LSM14A: variants seen among roughly 807,000 people sequenced by gnomAD.
LSM14A encodes the protein protein LSM14 homolog A.
A neutral mutation model predicts 52.4 loss-of-function variants in LSM14A; 14 were observed. That is an observed-to-expected ratio of 0.27 (90% CI 0.18 to 0.42). The LOEUF (loss-of-function observed/expected upper bound fraction) is 0.42, where lower values mean the gene tolerates loss of function less well. Among genes scored for constraint, LSM14A ranks in the 10% least tolerant of loss-of-function variants. The pLI is 1.00. For synonymous variants in LSM14A, 185 were observed against 200.3 expected, an observed-to-expected ratio of 0.92 and a Z score of 0.64; for missense variants, 417 against 581.8, an observed-to-expected ratio of 0.72 and a Z score of 2.91.
At chr19:34,183,444 G>A (rs1568473726) in intron 1 of LSM14A, among the ~76,000 whole-genome samples, 1 of 152,092 alleles carries the variant, frequency 6.6e-6, no homozygotes, top group Admixed American at 6.6e-5. Flanking sequence ...CCAGCTACTT[G>A]GGAAGCTGGG....
At chr19:34,198,946 C>T (rs1193225995) in intron 3 of LSM14A, among the ~76,000 whole-genome samples, 1 of 151,818 alleles carries the variant, frequency 6.6e-6, no homozygotes, top group Non-Finnish European at 1.5e-5. Flanking sequence ...AAGATCGTAC[C>T]ACTGCACTCC....
At chr19:34,224,954 TCTC>T (rs2073262984) in intron 9 of LSM14A, among the ~76,000 whole-genome samples, 1 of 152,196 alleles carries the variant, frequency 6.6e-6, no homozygotes, top group African/African-American at 2.4e-5. Context: ...TGCTCTGTCT[TCTC>T]TTCCTTCCTA....
In LSM14A at chr19:34,200,929, G is replaced by A. The variant is rs535444906; in HGVS notation, c.415+4166G>A. On this transcript the variant is annotated intron_variant, in intron 3 of 9. Transcript: ENST00000544216. ...TTGAGATCATCATTATACTTCTTAT[G>A]TTACCATGAAGTTTATGTAACTAAT... 5.3e-5 allele frequency among the ~76,000 whole-genome samples: 8 copies of A among 152,098 alleles called. No homozygotes were observed. The South Asian group carries it at 1.7e-3, about 32-fold the overall frequency.
chr19:34,217,855 C>G (rs2072766945), intron 6 of LSM14A, among the ~76,000 whole-genome samples: 1 of 151,560 alleles, frequency 6.6e-6, no homozygotes, highest in Admixed American at 6.6e-5. Context: ...GCTCCCCTCC[C>G]AAAATAAAAT....
intron 1 of LSM14A, among the ~76,000 whole-genome samples, chr19:34,177,803 G>T (rs527333048): frequency 3.8e-4 from 58 of 152,288 alleles, no homozygotes; most frequent in African/African-American, 1.3e-3. Context: ...GGCTGAGGCA[G>T]GGGGATTGCT....
At position 34,215,212 on chromosome 19, in the gene LSM14A, A is replaced by T; in HGVS notation, c.627A>T (p.Pro209=). 3.7e-6 allele frequency: 6 copies of T among 1,614,206 alleles called. No individual in the cohort carries two copies. Among genetic ancestry groups the T allele is most frequent in the Non-Finnish European group, 4.2e-6 (5 of 1,180,026 alleles). ...VQTASAHLPA[P]AAVGRRSPVS... ...CCGCCTCAGCCCACTTACCTGCTCCAGCAGCTGTTGGGAGAAGGAGTCCTG... is the reference window on the plus strand; with the variant it reads ...CCGCCTCAGCCCACTTACCTGCTCCTGCAGCTGTTGGGAGAAGGAGTCCTG... The change falls in exon 5 of 10, where the codon CCA becomes CCT. Residue 209 remains proline, a synonymous_variant. Transcript: ENST00000544216.
At chr19:34,211,078 G>A (rs981107726) in intron 4 of LSM14A, among the ~76,000 whole-genome samples, 10 of 151,784 alleles carry the variant, frequency 6.6e-5, no homozygotes, top group South Asian at 2.1e-4. Context: ...CAAGGCAGGC[G>A]GATCGCCTGA....
chr19:34,204,786 C>G (rs2071558931), intron 3 of LSM14A, among the ~76,000 whole-genome samples: 3 of 152,016 alleles, frequency 2.0e-5, no homozygotes. Context: ...GTGGGTGTAG[C>G]TAAAACAGTG....
At position 34,215,148 on chromosome 19, in the gene LSM14A, C is replaced by T; in HGVS notation, c.563C>T (p.Pro188Leu). Residue 188 changes from proline to leucine, a missense_variant, in exon 5 of 10, where the codon CCT becomes CTT. Transcript: ENST00000544216. ...SQGRSSPQLDPLRKSPTMEQA... is the reference protein window; with the variant it reads ...SQGRSSPQLDLLRKSPTMEQA... ...GGTCGCTCAAGCCCTCAGTTAGACC[C>T]TTTGAGAAAAAGCCCAACCATGGAA... 6.2e-7 allele frequency: 1 copy of T among 1,613,276 alleles called. No homozygotes were observed. The highest frequency in any genetic ancestry group is 8.5e-7 in the Non-Finnish European group (1 of 1,179,788).
At chr19:34,213,674 G>A (rs1201172691) in intron 4 of LSM14A, among the ~76,000 whole-genome samples, 1 of 152,224 alleles carries the variant, frequency 6.6e-6, no homozygotes, top group Non-Finnish European at 1.5e-5. Flanking sequence ...CAGAAAGCAT[G>A]ATGGGAGCAC....
At chr19:34,198,542 T>G (rs1291347981) in intron 3 of LSM14A, among the ~76,000 whole-genome samples, 1 of 151,932 alleles carries the variant, frequency 6.6e-6, no homozygotes, top group Non-Finnish European at 1.5e-5. Context: ...CTTGAACCTG[T>G]GAGGCAGAGG....
At chr19:34,200,634 T>C (rs1052636141) in intron 3 of LSM14A, among the ~76,000 whole-genome samples, 2 of 152,218 alleles carry the variant, frequency 1.3e-5, no homozygotes, top group Non-Finnish European at 2.9e-5. Context: ...TGATATTCTG[T>C]GTACTCCTTC....
chr19:34,221,458 G>A (rs1268009203), intron 8 of LSM14A, 49 bp from the exon 9 acceptor site: 32 of 1,568,260 alleles, frequency 2.0e-5, no homozygotes, highest in Non-Finnish European at 2.3e-5. Flanking sequence ...TTGGCTGAGG[G>A]ATATTCTTTT....
At chr19:34,192,740 C>T (rs546896039) in intron 1 of LSM14A, among the ~76,000 whole-genome samples, 43 of 150,282 alleles carry the variant, frequency 2.9e-4, no homozygotes, top group Admixed American at 9.3e-4. Flanking sequence ...TTTGGGAAGC[C>T]GAAGCGGATG....
At chr19:34,220,321 A>T (rs555322573) in intron 8 of LSM14A, among the ~76,000 whole-genome samples, 1 of 152,334 alleles carries the variant, frequency 6.6e-6, no homozygotes, top group Non-Finnish European at 1.5e-5. Context: ...TAAATTATTC[A>T]TTCAAAAGAA....
Position 34,227,206 on chromosome 19 carries a change from TAGA to T in LSM14A, c.1369-156_1369-154del, listed in dbSNP as rs529052053. On this transcript the variant is annotated intron_variant, in intron 9 of 9. Coordinates refer to ENST00000544216, the MANE Select transcript of LSM14A (RefSeq NM_015578.4). ...GAGGTACTACTGAGTATGGAAGTTA[TAGA>T]AGGAGTTTCGTGGAAATGAGTGAGA... 9.2e-5 allele frequency among the ~76,000 whole-genome samples: 14 copies of T among 152,340 alleles called. No homozygotes were observed. The South Asian group carries it at 2.7e-3, about 29-fold the overall frequency.
At chr19:34,175,827 C>A (rs2069046221) in intron 1 of LSM14A, among the ~76,000 whole-genome samples, 1 of 151,742 alleles carries the variant, frequency 6.6e-6, no homozygotes, top group Non-Finnish European at 1.5e-5. Flanking sequence ...AAGATTAAAG[C>A]CAAAAGTGTT....
At chr19:34,178,160 CAAAA>C (rs1210486981) in intron 1 of LSM14A, among the ~76,000 whole-genome samples, 1 of 106,906 alleles carries the variant, frequency 9.4e-6, no homozygotes, top group Non-Finnish European at 2.0e-5. Flanking sequence ...GACTCTGTCT[CAAAA>C]AAAAAAAAAA....
At position 34,228,547 on chromosome 19, in the gene LSM14A, G is replaced by A. The variant is rs140534397; in HGVS notation, c.*1159G>A. ...ATTATTTTGGTAGCCTGTAACACAC[G>A]GCAACACTGGTCCTTGGGCCTATGA... On this transcript the variant is annotated 3_prime_UTR_variant, in exon 10 of 10. Transcript: ENST00000544216. 14 of 146,286 alleles carry A rather than the reference G, an allele frequency of 9.6e-5. No individual in the cohort carries two copies. Among genetic ancestry groups the A allele is most frequent in the Non-Finnish European group, 1.8e-4 (12 of 65,790 alleles). 9.1% of individuals were successfully genotyped at this position (146,286 alleles called of 1,614,324 possible). A position where few individuals can be genotyped will look rare whatever the true frequency, so the allele number is the denominator to read the frequency against.
Sources: allele counts gnomAD v4.1 joint callset (sites outside exome capture counted in the v4.1 genomes callset), GRCh38; gene constraint gnomAD v4.1.1; transcripts MANE v1.5; gene names NCBI Gene and HGNC (gene_info 2026-07-23, HGNC 2026-07-21).